NBEA: variants seen among roughly 807,000 people sequenced by gnomAD.
NBEA encodes the protein neurobeachin, also known as lysosomal-trafficking regulator 2.
Under a neutral mutation model 343.4 loss-of-function variants are expected in NBEA, and 44 were observed. The ratio of observed to expected loss-of-function variants is 0.13; its 90% CI spans 0.10 to 0.16. The LOEUF is 0.16. Ranked by LOEUF, NBEA falls within the 10% of genes least tolerant of loss-of-function variation. NBEA has a pLI of 1.00. For missense variants in NBEA, 2,555 were observed against 3,631.3 expected, an observed-to-expected ratio of 0.70 and a Z score of 7.62; for synonymous variants, 1,175 against 1,238.7, an observed-to-expected ratio of 0.95 and a Z score of 1.08.
At chr13:35,345,228 TTAAGAA>T (rs2039806377) in intron 36 of NBEA, among the ~76,000 whole-genome samples, 1 of 151,976 alleles carries the variant, frequency 6.6e-6, no homozygotes, top group Admixed American at 6.6e-5. Context: ...TCTTAGCAAA[TTAAGAA>T]TAGAAGAGAA....
At chr13:35,119,428 A>G (rs1376259191) in intron 16 of NBEA, among the ~76,000 whole-genome samples, 1 of 152,124 alleles carries the variant, frequency 6.6e-6, no homozygotes, top group South Asian at 2.1e-4. Flanking sequence ...AACTTTCTAG[A>G]CTTGAAGAAC....
chr13:35,053,712 G>A (rs1396456523), intron 6 of NBEA, among the ~76,000 whole-genome samples: 1 of 151,998 alleles, frequency 6.6e-6, no homozygotes, highest in Non-Finnish European at 1.5e-5. Flanking sequence ...ATCAATTTTA[G>A]CATAAACAAA....
At chr13:35,530,518 G>A (rs975138440) in intron 41 of NBEA, among the ~76,000 whole-genome samples, 2 of 152,168 alleles carry the variant, frequency 1.3e-5, no homozygotes, top group East Asian at 1.9e-4. Flanking sequence ...TTAAACCAGG[G>A]CCTTGTTTTG....
chr13:35,169,466 C>G (rs1415118784), intron 25 of NBEA, among the ~76,000 whole-genome samples: 1 of 150,866 alleles, frequency 6.6e-6, no homozygotes, highest in East Asian at 1.9e-4. Flanking sequence ...TTTTTTCAGT[C>G]AAAAAAACAC....
intron 1 of NBEA, among the ~76,000 whole-genome samples, chr13:35,023,171 G>A (rs2061905035): frequency 6.6e-6 from 1 of 151,948 alleles, no homozygotes; most frequent in South Asian, 2.1e-4. Context: ...AGGCTAAAAG[G>A]ATAATATGGT....
chr13:34,993,029 C>T (rs905522382), intron 1 of NBEA, among the ~76,000 whole-genome samples: 2 of 152,058 alleles, frequency 1.3e-5, no homozygotes, highest in African/African-American at 4.8e-5. Context: ...GCATGATCTC[C>T]AATGAGTCTC....
chr13:35,279,282 G>T (rs1008596468), intron 34 of NBEA, among the ~76,000 whole-genome samples: 1 of 152,128 alleles, frequency 6.6e-6, no homozygotes, highest in African/African-American at 2.4e-5. Flanking sequence ...TAATAAAAAA[G>T]ATTTTAAATC....
intron 41 of NBEA, among the ~76,000 whole-genome samples, chr13:35,502,499 G>GTT (rs199765383): frequency 6.9e-6 from 1 of 145,914 alleles, no homozygotes; most frequent in Non-Finnish European, 1.5e-5. Flanking sequence ...TTTTCCCTGG[G>GTT]TTTTTTTTTT....
chr13:35,347,352 A>C (rs2152861536), intron 36 of NBEA, among the ~76,000 whole-genome samples: 1 of 152,162 alleles, frequency 6.6e-6, no homozygotes, highest in East Asian at 1.9e-4. Context: ...AGTGAAAAAA[A>C]GTAATGCTGT....
intron 1 of NBEA, among the ~76,000 whole-genome samples, chr13:34,974,279 C>G (rs990786594): frequency 6.6e-6 from 1 of 152,216 alleles, no homozygotes; most frequent in Non-Finnish European, 1.5e-5. Flanking sequence ...TCTGTGAGAG[C>G]CATGCACCAT....
chr13:34,977,125 AGAT>A (rs1226837244), intron 1 of NBEA, among the ~76,000 whole-genome samples: 2 of 151,664 alleles, frequency 1.3e-5, no homozygotes, highest in African/African-American at 4.8e-5. Context: ...TTTTTAGTAG[AGAT>A]GATATTTCTT....
chr13:35,104,726 G>T (rs1351934759), intron 11 of NBEA, among the ~76,000 whole-genome samples: 3 of 151,846 alleles, frequency 2.0e-5, no homozygotes, highest in Non-Finnish European at 4.4e-5. Context: ...TAGTATATGA[G>T]AGGCCTTTTT....
At chr13:35,205,278 A>T (rs1015133796) in intron 31 of NBEA, among the ~76,000 whole-genome samples, 1 of 152,156 alleles carries the variant, frequency 6.6e-6, no homozygotes, top group Non-Finnish European at 1.5e-5. Context: ...GGTCAAATAC[A>T]GGTTCCTGCT....
chr13:35,009,579 G>T lies in NBEA; in HGVS notation c.295-31354G>T, dbSNP rs73487646. Reference sequence around the variant, plus strand: ...GGTAGATTAGCTCCTAGCTCTGGGGGTTGGACAGATCATGTAGAGTGCTGT... The same window carrying T: ...GGTAGATTAGCTCCTAGCTCTGGGGTTTGGACAGATCATGTAGAGTGCTGT... On this transcript the variant is annotated intron_variant, in intron 1 of 58. Transcript: ENST00000379939. Among the ~76,000 whole-genome samples the T allele has an allele frequency of 6.3e-3, 961 of 152,282 alleles. 10 individuals are homozygous for T. The highest frequency in any genetic ancestry group is 0.022 in the African/African-American group (914 of 41,556).
At chr13:35,669,708 T>C (rs529745556) in intron 58 of NBEA, among the ~76,000 whole-genome samples, 1 of 152,364 alleles carries the variant, frequency 6.6e-6, no homozygotes, top group South Asian at 2.1e-4. Flanking sequence ...TCTTACTCGT[T>C]CGTGTATTCA....
chr13:34,981,903 A>G (rs1436634610), intron 1 of NBEA, among the ~76,000 whole-genome samples: 1 of 151,982 alleles, frequency 6.6e-6, no homozygotes, highest in Non-Finnish European at 1.5e-5. Context: ...TAATGTCTGT[A>G]GGATCTATAC....
At chr13:35,041,657 A>G (rs2062655083) in intron 2 of NBEA, among the ~76,000 whole-genome samples, 2 of 151,966 alleles carry the variant, frequency 1.3e-5, no homozygotes, top group Admixed American at 6.6e-5. Context: ...CTTTTGTATT[A>G]AAATAAACTA....
chr13:35,347,535 AT>A (rs113506427), intron 36 of NBEA, among the ~76,000 whole-genome samples: 8 of 151,648 alleles, frequency 5.3e-5, no homozygotes, highest in African/African-American at 2.4e-5. Context: ...TTTAAATATT[AT>A]TTTTTTTAAT....
intron 35 of NBEA, among the ~76,000 whole-genome samples, chr13:35,298,814 A>G (rs988565736): frequency 5.3e-5 from 8 of 151,918 alleles, no homozygotes; most frequent in South Asian, 2.1e-4. Context: ...ATGGTTGACT[A>G]TTATATCGGT....
Sources: gnomAD v4.1 joint callset for allele counts (sites outside exome capture counted in the v4.1 genomes callset) on GRCh38, gnomAD v4.1.1 for gene constraint, MANE v1.5 for transcripts, NCBI Gene and HGNC (gene_info 2026-07-23, HGNC 2026-07-21) for gene names.